SPTAN1: variants seen among roughly 807,000 people sequenced by gnomAD.
SPTAN1 encodes the protein spectrin alpha chain, non-erythrocytic 1.
SPTAN1 carries 61 observed loss-of-function variants against 331.3 expected under a neutral mutation model. The ratio of observed to expected loss-of-function variants is 0.18; its 90% CI spans 0.15 to 0.23. The LOEUF is 0.23. Ranked by LOEUF, SPTAN1 falls within the 10% of genes least tolerant of loss-of-function variation. The probability of loss-of-function intolerance (pLI) is 1.00; values close to 1 mark genes in which losing one functional copy is unlikely to be tolerated. For missense variants in SPTAN1, 2,043 were observed against 3,147.9 expected (o/e 0.65, Z 8.40); for synonymous variants, 1,153 against 1,173.9 (o/e 0.98, Z 0.36).
intron 11 of SPTAN1, 56 bp downstream of exon 11, chr9:128,581,115 C>G: frequency 1.9e-6 from 3 of 1,610,152 alleles, no homozygotes; most frequent in Non-Finnish European, 2.5e-6. Flanking sequence ...TGTGTTTTGC[C>G]TCCTCGGGTA....
intron 5 of SPTAN1, among the ~76,000 whole-genome samples, chr9:128,576,527 C>G (rs1225860432): frequency 1.3e-5 from 2 of 152,116 alleles, no homozygotes; most frequent in African/African-American, 4.8e-5. Context: ...ATAAAGTTAC[C>G]ACACAGTTGT....
At chr9:128,622,293 CTTTT>C (rs35122170) in intron 45 of SPTAN1, among the ~76,000 whole-genome samples, 11 of 91,502 alleles carry the variant, frequency 1.2e-4, no homozygotes, top group Admixed American at 2.6e-4. Context: ...GAGCCAGCTG[CTTTT>C]TTTTTTTTTT....
At chr9:128,618,239 C>T (rs1259291602) in intron 43 of SPTAN1, 131 bp downstream of exon 43, 13 of 1,406,368 alleles carry the variant, frequency 9.2e-6, no homozygotes, top group East Asian at 7.5e-5. Context: ...GTGCCATAGT[C>T]GGTTTGCTCC....
rs1403853497 is a variant in SPTAN1, at chr9:128,577,721, AT to A, written c.1085+217del. Among the ~76,000 whole-genome samples the A allele has an allele frequency of 6.6e-6, 1 of 152,266 alleles. No individual in the cohort carries two copies. Among genetic ancestry groups the A allele is most frequent in the African/African-American group, 2.4e-5 (1 of 41,470 alleles). Reference sequence around the variant, plus strand: ...TATTTACAACTTCATAAATTCTTCTATTCTGCATCACTGCATTATGATTGAT... The same window carrying A: ...TATTTACAACTTCATAAATTCTTCTATCTGCATCACTGCATTATGATTGAT... On this transcript the variant is annotated intron_variant, in intron 8 of 56. Transcript: ENST00000372739. This position sits in a 1 kb window ranked among gnomAD's most constrained non-coding sequence, Gnocchi z 4.2.
chr9:128,582,937 A>G, intron 14 of SPTAN1, 88 bp downstream of exon 14: 3 of 1,596,486 alleles, frequency 1.9e-6, no homozygotes, highest in East Asian at 2.2e-5. Flanking sequence ...AGGACGAAAT[A>G]AGGGATTCCA....
intron 4 of SPTAN1, 133 bp downstream of exon 4, chr9:128,574,948 T>A (rs1851138248): frequency 1.5e-6 from 2 of 1,375,354 alleles, no homozygotes; most frequent in African/African-American, 2.8e-5. Flanking sequence ...GTGGGGTTGC[T>A]GTCTCTCCAG....
At chr9:128,566,310 C>A (rs577372283) in intron 1 of SPTAN1, among the ~76,000 whole-genome samples, 2 of 152,290 alleles carry the variant, frequency 1.3e-5, no homozygotes, top group African/African-American at 2.4e-5. Context: ...GCCACTTTGG[C>A]CTCCCAAAGT....
In SPTAN1 at chr9:128,632,801, C is replaced by T. The variant is rs908872634; in HGVS notation, c.7161-7C>T. ...CCTGCTCAGGCTCTTGCTTCCCCCGCTCCTAGAGATGGCCATGTCTCCTTG... is the reference window on the plus strand; with the variant it reads ...CCTGCTCAGGCTCTTGCTTCCCCCGTTCCTAGAGATGGCCATGTCTCCTTG... On this transcript the variant is annotated splice_polypyrimidine_tract_variant and splice_region_variant and intron_variant, in intron 55 of 56. Transcript: ENST00000372739. 1 of 1,614,106 alleles carries T rather than the reference C, an allele frequency of 6.2e-7. No homozygotes were observed. Among genetic ancestry groups the T allele is most frequent in the South Asian group, 1.1e-5 (1 of 91,088 alleles).
At chr9:128,568,720 A>T in intron 2 of SPTAN1, 52 bp from the exon 3 acceptor site, 2 of 1,611,406 alleles carry the variant, frequency 1.2e-6, no homozygotes, top group Non-Finnish European at 1.7e-6. Context: ...CGGGGACAAA[A>T]TGCTGATGCT....
chr9:128,630,952 G>A (rs1859622354), intron 52 of SPTAN1, among the ~76,000 whole-genome samples: 1 of 152,024 alleles, frequency 6.6e-6, no homozygotes, highest in Non-Finnish European at 1.5e-5. Context: ...CGGCTGATCT[G>A]CCCGCCTCGG....
intron 3 of SPTAN1, among the ~76,000 whole-genome samples, chr9:128,571,844 ATTTGT>A (rs1850763657): frequency 6.6e-6 from 1 of 151,916 alleles, no homozygotes; most frequent in Non-Finnish European, 1.5e-5. Context: ...AGTCACCACT[ATTTGT>A]TTTATTTTAA....
chr9:128,609,421 G>A (rs1431363867), intron 36 of SPTAN1, 137 bp downstream of exon 36: 5 of 1,366,346 alleles, frequency 3.7e-6, no homozygotes, highest in Middle Eastern at 2.2e-4. Flanking sequence ...AGCCCAGCCA[G>A]TGGGAAAGCC....
rs371148094 is a variant in SPTAN1 at position 128,576,887 on chromosome 9, G to T, written c.716G>T (p.Arg239Leu). Reference sequence around the variant, plus strand: ...GATGAAGTCAATGCAGCCTGGCAGCGGCTGAAGGGCCTGGCTCTGCAGAGG... The same window carrying T: ...GATGAAGTCAATGCAGCCTGGCAGCTGCTGAAGGGCCTGGCTCTGCAGAGG... ...KQDEVNAAWQ[R>L]LKGLALQRQG... Residue 239 changes from arginine (R) to leucine (L), a missense_variant, in exon 6 of 57, where the codon CGG (arginine) becomes CTG (leucine). Physicochemically the swap from Arg to Leu is moderately radical, Grantham distance 102. Transcript: ENST00000372739. 3 of 1,614,126 alleles carry T rather than the reference G, an allele frequency of 1.9e-6. No individual in the cohort carries two copies. In the South Asian group the frequency reaches 3.3e-5, roughly 18 times the overall value.
At position 128,630,133 on chromosome 9, in the gene SPTAN1, G is replaced by C. The variant is rs781657651; in HGVS notation, c.6708-188G>C. 3.9e-6 allele frequency: 3 copies of C among 769,220 alleles called. No homozygotes were observed. In the Admixed American group the frequency reaches 5.1e-5, roughly 13 times the overall value. The allele number at this position is 769,220 out of a possible 1,614,324, so 47.6% of individuals were successfully genotyped here. On this transcript the variant is annotated intron_variant, in intron 51 of 56. Coordinates refer to ENST00000372739, the MANE Select transcript of SPTAN1 (RefSeq NM_001130438.3). ...CAGCAGCTTCCCATCTCTAAAACGG[G>C]AGAAATGCTCCCTGCCATCCCTCGA... is the stretch of plus-strand genomic sequence containing the variant.
chr9:128,609,025 A>G (rs376955753), intron 35 of SPTAN1, 48 bp downstream of exon 35: 240 of 1,613,702 alleles, frequency 1.5e-4, no homozygotes, highest in Middle Eastern at 3.3e-4. Context: ...GAGAGGATGC[A>G]TCCCCTCATA....
At chr9:128,589,855 A>C (rs1853237408) in intron 21 of SPTAN1, among the ~76,000 whole-genome samples, 1 of 152,198 alleles carries the variant, frequency 6.6e-6, no homozygotes, top group Non-Finnish European at 1.5e-5. Flanking sequence ...GATTACAGGC[A>C]TGAGCCACCG....
chr9:128,573,776 C>T (rs566479163), intron 3 of SPTAN1, among the ~76,000 whole-genome samples: 4 of 150,002 alleles, frequency 2.7e-5, no homozygotes, highest in South Asian at 2.1e-4. Flanking sequence ...TTTTTTGAGA[C>T]GGAGTCTCGC....
Position 128,577,040 on chromosome 9 carries a change from C to T in SPTAN1, c.785+84C>T, listed in dbSNP as rs563455550. Reference sequence around the variant, plus strand: ...CACAGGGCATGTGCTGGTGAGCTGTCGAGGCTGACTAGGCCTTGGTCCCAT... The same window carrying T: ...CACAGGGCATGTGCTGGTGAGCTGTTGAGGCTGACTAGGCCTTGGTCCCAT... On this transcript the variant is annotated intron_variant, in intron 6 of 56. Transcript: ENST00000372739. The surrounding 1 kb of genome is among the most constrained non-coding windows in gnomAD (Gnocchi z 4.2). 1.4e-5 allele frequency: 22 copies of T among 1,613,602 alleles called. No homozygotes were observed. Among genetic ancestry groups the T allele is most frequent in the African/African-American group, 4.0e-5 (3 of 74,876 alleles).
chr9:128,586,974 C>T (rs1217715538), intron 19 of SPTAN1, among the ~76,000 whole-genome samples: 6 of 151,948 alleles, frequency 3.9e-5, no homozygotes, highest in Non-Finnish European at 8.8e-5. Flanking sequence ...CCCGCCACCA[C>T]GCCCAGCTAA....
Sources: allele counts gnomAD v4.1 joint callset (sites outside exome capture counted in the v4.1 genomes callset), GRCh38; gene constraint gnomAD v4.1.1; non-coding constraint Gnocchi (gnomAD v3.1); transcripts MANE v1.5; gene names NCBI Gene and HGNC (gene_info 2026-07-23, HGNC 2026-07-21).